DAO: variants seen among roughly 807,000 people sequenced by gnomAD.
The protein encoded by DAO is D-amino-acid oxidase.
DAO carries 51 observed loss-of-function variants against 50.1 expected under a neutral mutation model. The observed-to-expected ratio is 1.02, with a 90% confidence interval of 0.81 to 1.29. DAO has a LOEUF of 1.29. Among genes scored for constraint, DAO ranks in the 50% most tolerant of loss-of-function variants. DAO has a pLI of 0.00. For synonymous variants in DAO, 160 were observed against 166.2 expected (o/e 0.96, Z 0.29); for missense variants, 436 against 439.4 (o/e 0.99, Z 0.07).
intron 1 of DAO, chr12:108,883,831 A>G (rs1230760190): frequency 3.1e-6 from 1 of 318,572 alleles, no homozygotes; most frequent in Non-Finnish European, 6.4e-6. Context: ...ACCCCAACAG[A>G]GTCCAGTTCT....
Position 108,887,456 on chromosome 12 carries a change from G to T in DAO, c.201G>T (p.Trp67Cys), listed in dbSNP as rs762485600. 3.1e-6 allele frequency: 5 copies of T among 1,613,566 alleles called. No individual in the cohort carries two copies. Among genetic ancestry groups the T allele is most frequent in the Non-Finnish European group, 4.2e-6 (5 of 1,179,510 alleles). The part of the protein sequence containing the change: ...SDPNNPQEAD[W>C]SQQTFDYLLS... ...CTCTTCATGACCCTTCCAGGGACTGGAGCCAACAGACCTTTGACTATCTCC... is the reference window on the plus strand; with the variant it reads ...CTCTTCATGACCCTTCCAGGGACTGTAGCCAACAGACCTTTGACTATCTCC... The change falls in exon 3 of 11, where the codon TGG becomes TGT. Residue 67 changes from tryptophan (W) to cysteine (C), a missense_variant. Coordinates refer to ENST00000228476, the MANE Select transcript of DAO (RefSeq NM_001917.5).
chr12:108,890,429 T>G (rs192261477), intron 5 of DAO, among the ~76,000 whole-genome samples, 156 bp downstream of exon 5: 14 of 152,192 alleles, frequency 9.2e-5, no homozygotes, highest in African/African-American at 3.4e-4. Flanking sequence ...TGATCACCGC[T>G]GGGCACAGAG....
At chr12:108,885,269 C>T in intron 2 of DAO, 69 bp downstream of exon 2, 1 of 1,463,138 alleles carries the variant, frequency 6.8e-7, no homozygotes, top group South Asian at 1.1e-5. Flanking sequence ...AGTCAGGGTT[C>T]CCATCACCAA....
At chr12:108,881,474 A>AACACACACACACACAC (rs59694062) in intron 1 of DAO, among the ~76,000 whole-genome samples, 119 of 138,584 alleles carry the variant, frequency 8.6e-4, no homozygotes, top group African/African-American at 2.9e-3. Context: ...TGTATTTTAA[A>AACACACACACACACAC]ACACACACAC....
At chr12:108,889,717 C>T (rs954218634) in intron 4 of DAO, among the ~76,000 whole-genome samples, 172 bp downstream of exon 4, 1 of 152,126 alleles carries the variant, frequency 6.6e-6, no homozygotes, top group African/African-American at 2.4e-5. Context: ...TCAAACCTGG[C>T]CTTGGGCTGG....
rs2039614716 is a variant in DAO at position 108,900,785 on chromosome 12, G to A, written c.*250G>A. 2.3e-6 allele frequency: 1 copy of A among 429,356 alleles called. No individual in the cohort carries two copies. Among genetic ancestry groups the A allele is most frequent in the African/African-American group, 2.0e-5 (1 of 49,462 alleles). The allele number at this position is 429,356 out of a possible 1,614,324, so 26.6% of individuals were successfully genotyped here. ...AGAACAGCTGAGGCTGTCATTCCAT[G>A]AGTCTTCAGAAGAAAGGACAGCTCA... On this transcript the variant is annotated 3_prime_UTR_variant, in exon 11 of 11. Transcript: ENST00000228476.
chr12:108,890,258 A>G lies in DAO; in HGVS notation c.437A>G (p.Gln146Arg). The change falls in exon 5 of 11, where the codon CAG becomes CGG. Residue 146 changes from glutamine to arginine, a missense_variant. Transcript: ENST00000228476. The part of the protein sequence containing the change: ...SLILEGKNYL[Q>R]WLTERLTERG... The stretch of plus-strand genomic sequence containing the variant: ...ATTCTGGAGGGAAAGAACTATCTAC[A>G]GTGGCTGACTGAAAGGTGAGATTTT... The G allele has an allele frequency of 1.2e-6, 2 of 1,613,536 alleles. No homozygotes were observed. Among genetic ancestry groups the G allele is most frequent in the Middle Eastern group, 1.7e-4 (1 of 6,058 alleles).
Position 108,885,027 on chromosome 12 carries a change from A to G in DAO, c.21A>G (p.Gly7=). The G allele has an allele frequency of 6.2e-7, 1 of 1,614,040 alleles. No individual in the cohort carries two copies. Among genetic ancestry groups the G allele is most frequent in the Non-Finnish European group, 8.5e-7 (1 of 1,180,010 alleles). The change falls in exon 2 of 11, where the codon GGA becomes GGG. Residue 7 remains glycine (G), a synonymous_variant. Coordinates refer to ENST00000228476, the MANE Select transcript of DAO (RefSeq NM_001917.5). MRVVVI[G]AGVIGLSTAL... is the part of the protein sequence containing the mutation. ...CTGCAATGCGTGTGGTGGTGATTGG[A>G]GCAGGAGTCATCGGGCTGTCCACCG...
intron 1 of DAO, among the ~76,000 whole-genome samples, chr12:108,881,893 A>G (rs2039385958): frequency 6.6e-6 from 1 of 152,132 alleles, no homozygotes; most frequent in Non-Finnish European, 1.5e-5. Context: ...GACGTGAGCC[A>G]CTGTGCCCGG....
chr12:108,886,269 C>T (rs2137343454), intron 2 of DAO, among the ~76,000 whole-genome samples: 1 of 152,286 alleles, frequency 6.6e-6, no homozygotes, highest in South Asian at 2.1e-4. Flanking sequence ...AGTGATCTGC[C>T]CTCCTTGGCC....
rs908008077 is a variant in DAO, at chr12:108,895,447, G to A, written c.612+1080G>A. Among the ~76,000 whole-genome samples, 6 of 149,556 alleles carry A rather than the reference G, an allele frequency of 4.0e-5. No individual in the cohort carries two copies. The East Asian group carries it at 1.0e-3, about 25-fold the overall frequency. On this transcript the variant is annotated intron_variant, in intron 7 of 10. Coordinates refer to ENST00000228476, the MANE Select transcript of DAO (RefSeq NM_001917.5). ...AGGGTGTGTGCATATGTGTGACGGT[G>A]TGTGTGCACGTATGTGGGGGTGATT...
intron 9 of DAO, 29 bp from the exon 10 acceptor site, chr12:108,899,348 A>T (rs756480670): frequency 1.2e-5 from 19 of 1,588,446 alleles, no homozygotes; most frequent in Admixed American, 3.4e-5. Flanking sequence ...AAAAATCCAG[A>T]AATGAGTGAT....
At chr12:108,882,496 A>T (rs1448652490) in intron 1 of DAO, among the ~76,000 whole-genome samples, 2 of 151,174 alleles carry the variant, frequency 1.3e-5, no homozygotes. Flanking sequence ...CTGGGCGACA[A>T]GAGTGAAACT....
chr12:108,885,122 T>C lies in DAO; in HGVS notation c.116T>C (p.Phe39Ser), dbSNP rs753327533. 5.0e-6 allele frequency: 8 copies of C among 1,613,356 alleles called. No homozygotes were observed. Among genetic ancestry groups the C allele is most frequent in the Middle Eastern group, 1.7e-4 (1 of 6,060 alleles). The change falls in exon 2 of 11, where the codon TTC becomes TCC. Residue 39 changes from phenylalanine (F) to serine (S), a missense_variant. Physicochemically the swap from Phe to Ser is radical, Grantham distance 155. Coordinates refer to ENST00000228476, the MANE Select transcript of DAO (RefSeq NM_001917.5). ...PLDIKVYADR[F>S]TPLTTTDVAA... ...GACATAAAGGTCTACGCGGACCGCTTCACCCCACTCACCACCACCGACGTG... is the reference window on the plus strand; with the variant it reads ...GACATAAAGGTCTACGCGGACCGCTCCACCCCACTCACCACCACCGACGTG...
At chr12:108,896,550 AC>A (rs1228294945) in intron 7 of DAO, among the ~76,000 whole-genome samples, 1 of 151,566 alleles carries the variant, frequency 6.6e-6, no homozygotes, top group Admixed American at 6.6e-5. Context: ...GTTTCTGCTT[AC>A]CCCTTAGGGA....
intron 8 of DAO, among the ~76,000 whole-genome samples, chr12:108,897,668 G>T (rs1230839588): frequency 6.6e-6 from 1 of 151,934 alleles, no homozygotes; most frequent in African/African-American, 2.4e-5. Flanking sequence ...CACTAAAAGT[G>T]GTATGTAGGT....
rs386377704 is a variant in DAO at position 108,896,419 on chromosome 12, C to CAAAAAAAAAAA, written c.613-574_613-564dup. 1.9e-3 allele frequency among the ~76,000 whole-genome samples: 113 copies of CAAAAAAAAAAA among 59,532 alleles called. 4 individuals carry two copies. Among genetic ancestry groups the CAAAAAAAAAAA allele is most frequent in the East Asian group, 0.018 (40 of 2,204 alleles). The allele number at this position is 59,532 out of a possible 152,430, so 39.1% of individuals were successfully genotyped here. A position where few individuals can be genotyped will look rare whatever the true frequency, so the allele number is the denominator to read the frequency against. ...GCCTGGCAACAGAGCGAGGCTGTCT[C>CAAAAAAAAAAA]AAAAAAAAAAAAAAAAAAAAAAATT... On this transcript the variant is annotated intron_variant, in intron 7 of 10. Transcript: ENST00000228476.
intron 6 of DAO, among the ~76,000 whole-genome samples, chr12:108,893,626 T>C (rs2039515247): frequency 6.6e-6 from 1 of 152,172 alleles, no homozygotes; most frequent in Admixed American, 6.5e-5. Context: ...CGAAGATACA[T>C]GGTCGACCCA....
Position 108,900,607 on chromosome 12 carries a change from T to C in DAO, c.*72T>C, listed in dbSNP as rs1220631781. ...CTCAGCCAATGAATCAATGTGCTCC[T>C]TCATAAGCCATTGCTTCTCCCTCAC... On this transcript the variant is annotated 3_prime_UTR_variant, in exon 11 of 11. Coordinates refer to ENST00000228476, the MANE Select transcript of DAO (RefSeq NM_001917.5). The C allele has an allele frequency of 3.8e-5, 60 of 1,580,904 alleles. No homozygotes were observed. The highest frequency in any genetic ancestry group is 4.8e-5 in the Non-Finnish European group (56 of 1,155,170).
Sources: allele counts gnomAD v4.1 joint callset (sites outside exome capture counted in the v4.1 genomes callset), GRCh38; gene constraint gnomAD v4.1.1; transcripts MANE v1.5; gene names NCBI Gene and HGNC (gene_info 2026-07-23, HGNC 2026-07-21).